Variants in OSBPL11 observed in about 807,000 individuals in gnomAD.
The protein encoded by OSBPL11 is oxysterol binding protein like 11.
A neutral mutation model predicts 84.4 loss-of-function variants in OSBPL11; 33 were observed. The observed-to-expected ratio is 0.39, with a 90% CI of 0.30 to 0.52. The LOEUF is 0.52. Among genes scored for constraint, OSBPL11 ranks in the 20% least tolerant of loss-of-function variants. The probability of loss-of-function intolerance (pLI) is 0.72; values close to 1 mark genes in which losing one functional copy is unlikely to be tolerated. For synonymous variants in OSBPL11, 276 were observed against 310.2 expected, an observed-to-expected ratio of 0.89 and a Z score of 1.16; for missense variants, 736 against 901.1, an observed-to-expected ratio of 0.82 and a Z score of 2.35.
intron 1 of OSBPL11, among the ~76,000 whole-genome samples, chr3:125,594,419 T>C (rs1336481586): frequency 2.0e-5 from 3 of 152,256 alleles, no homozygotes; most frequent in Admixed American, 6.5e-5. Flanking sequence ...GGGATACATT[T>C]CTGTGTTCCT....
At chr3:125,540,859 C>T (rs1353092460) in intron 10 of OSBPL11, among the ~76,000 whole-genome samples, 1 of 152,150 alleles carries the variant, frequency 6.6e-6, no homozygotes, top group Non-Finnish European at 1.5e-5. Context: ...ACAGGAATCA[C>T]ATATACTGCA....
At chr3:125,570,534 G>A (rs1936228702) in intron 5 of OSBPL11, among the ~76,000 whole-genome samples, 1 of 152,002 alleles carries the variant, frequency 6.6e-6, no homozygotes, top group South Asian at 2.1e-4. Flanking sequence ...ATATGGTTTG[G>A]CTGTGTCCCC....
intron 1 of OSBPL11, among the ~76,000 whole-genome samples, chr3:125,588,004 T>C (rs1471141575): frequency 1.3e-5 from 2 of 152,074 alleles, no homozygotes; most frequent in Admixed American, 6.6e-5. Flanking sequence ...GGTGGATCAC[T>C]TGAGGTCAGG....
chr3:125,573,590 C>T (rs924371284), intron 5 of OSBPL11, among the ~76,000 whole-genome samples: 2 of 152,080 alleles, frequency 1.3e-5, no homozygotes, highest in African/African-American at 2.4e-5. Flanking sequence ...AGGCCAGGTG[C>T]GGTGGCTCAC....
intron 7 of OSBPL11, among the ~76,000 whole-genome samples, chr3:125,562,979 TA>T (rs34751505): frequency 0.071 from 10,461 of 147,922 alleles, 470 homozygotes; most frequent in Non-Finnish European, 0.1. Flanking sequence ...TATTTATAAT[TA>T]AAAAAAAAAC....
rs748409964 is a variant in OSBPL11 at position 125,547,976 on chromosome 3, G to A, written c.1655-384C>T. Among the ~76,000 whole-genome samples the A allele has an allele frequency of 4.6e-5, 7 of 151,984 alleles. No individual in the cohort carries two copies. In the East Asian group the frequency reaches 7.7e-4, roughly 17 times the overall value. Reference sequence around the variant, plus strand: ...CACTGCAACCTCCGACTCCTGGGTCGAATGATTCTCCTGCCTCAGCCTCCC... The same window carrying A: ...CACTGCAACCTCCGACTCCTGGGTCAAATGATTCTCCTGCCTCAGCCTCCC... On this transcript the variant is annotated intron_variant, in intron 9 of 12. Transcript: ENST00000296220.
chr3:125,544,762 C>A (rs1935786031), intron 10 of OSBPL11, among the ~76,000 whole-genome samples: 1 of 151,944 alleles, frequency 6.6e-6, no homozygotes, highest in South Asian at 2.1e-4. Context: ...GGTGAGAATG[C>A]AATTAAAATT....
intron 8 of OSBPL11, among the ~76,000 whole-genome samples, chr3:125,558,325 T>TA (rs1936023110): frequency 1.3e-5 from 2 of 152,190 alleles, no homozygotes; most frequent in African/African-American, 4.8e-5. Flanking sequence ...CAGAAGACTA[T>TA]TCATTTTTAA....
intron 4 of OSBPL11, among the ~76,000 whole-genome samples, chr3:125,576,681 A>AAT (rs764297015): frequency 6.8e-6 from 1 of 146,684 alleles, no homozygotes; most frequent in Non-Finnish European, 1.5e-5. Context: ...AACACCATGA[A>AAT]TTTTTTTTTT....
intron 9 of OSBPL11, among the ~76,000 whole-genome samples, chr3:125,549,544 C>T (rs1384733367): frequency 7.9e-5 from 12 of 152,124 alleles, no homozygotes; most frequent in African/African-American, 2.7e-4. Context: ...TACAGTGGCA[C>T]GATCATGGCT....
chr3:125,555,680 G>A (rs765722021), intron 8 of OSBPL11, among the ~76,000 whole-genome samples: 17 of 152,040 alleles, frequency 1.1e-4, no homozygotes, highest in Admixed American at 5.3e-4. Flanking sequence ...CCTGCAGCAC[G>A]GAGATATTAT....
rs957755606 is a variant in OSBPL11 at position 125,595,350 on chromosome 3, G to A, written c.-550C>T. Among the ~76,000 whole-genome samples, 3 of 152,104 alleles carry A rather than the reference G, an allele frequency of 2.0e-5. No homozygotes were observed. The highest frequency in any genetic ancestry group is 4.8e-5 in the African/African-American group (2 of 41,412). ...GGGTCGGGGAATGAGGCCGCCGGGG[G>A]CGGGACGCCGGCTCCCGGGGCCGCC... On this transcript the variant is annotated 5_prime_UTR_variant, in exon 1 of 13. Coordinates refer to ENST00000296220, the MANE Select transcript of OSBPL11 (RefSeq NM_022776.5).
rs1244622288 is a variant in OSBPL11, at chr3:125,560,372, T to A, written c.1155+7A>T. ...AATCTCCATAGCCAGCTTATGCCAT[T>A]ACTTACTCTTGTTAAATCCATGCCC... On this transcript the variant is annotated splice_region_variant and intron_variant, in intron 8 of 12. Transcript: ENST00000296220. 5.9e-6 allele frequency: 9 copies of A among 1,532,546 alleles called. No homozygotes were observed. The highest frequency in any genetic ancestry group is 7.1e-6 in the Non-Finnish European group (8 of 1,130,578). The allele number at this position is 1,532,546 out of a possible 1,614,324, so 94.9% of individuals were successfully genotyped here. A position where few individuals can be genotyped will look rare whatever the true frequency, so the allele number is the denominator to read the frequency against.
In OSBPL11 at chr3:125,584,851, ATC is replaced by A. The variant is rs1936482865; in HGVS notation, c.165-1875_165-1874del. 3.3e-5 allele frequency among the ~76,000 whole-genome samples: 5 copies of A among 152,328 alleles called. No homozygotes were observed. In the South Asian group the frequency reaches 1.0e-3, roughly 32 times the overall value. The stretch of plus-strand genomic sequence containing the variant: ...CTCCCCATTTTGGTCATATCTAATT[ATC>A]TATATCACTCATTTAACAGCTCAAG... On this transcript the variant is annotated intron_variant, in intron 1 of 12. Coordinates refer to ENST00000296220, the MANE Select transcript of OSBPL11 (RefSeq NM_022776.5).
At chr3:125,565,284 ATAAT>A (rs1936137316) in intron 6 of OSBPL11, among the ~76,000 whole-genome samples, 1 of 152,140 alleles carries the variant, frequency 6.6e-6, no homozygotes, top group Non-Finnish European at 1.5e-5. Context: ...AAATAAGCAA[ATAAT>A]TAAGTAGTAT....
chr3:125,550,014 C>G (rs1160761084), intron 9 of OSBPL11, among the ~76,000 whole-genome samples: 2 of 152,016 alleles, frequency 1.3e-5, no homozygotes, highest in African/African-American at 4.8e-5. Context: ...CTATGAAGTG[C>G]TTAAGGCTAA....
intron 8 of OSBPL11, among the ~76,000 whole-genome samples, chr3:125,558,121 C>A (rs1483098425): frequency 1.3e-5 from 2 of 152,124 alleles, no homozygotes; most frequent in Non-Finnish European, 2.9e-5. Flanking sequence ...CAACAAGGTA[C>A]AAATGTAGAG....
chr3:125,579,231 T>C (rs1265510627), intron 3 of OSBPL11, among the ~76,000 whole-genome samples, 192 bp from the exon 4 acceptor site: 1 of 152,220 alleles, frequency 6.6e-6, no homozygotes. Flanking sequence ...TAGCTGGATG[T>C]AGTTACTTCA....
intron 1 of OSBPL11, among the ~76,000 whole-genome samples, chr3:125,584,329 G>T (rs530005790): frequency 2.6e-5 from 4 of 152,094 alleles, no homozygotes; most frequent in Non-Finnish European, 5.9e-5. Flanking sequence ...CTGCACCACT[G>T]CACTCCAACC....
Sources: allele counts gnomAD v4.1 joint callset (sites outside exome capture counted in the v4.1 genomes callset), GRCh38; gene constraint gnomAD v4.1.1; transcripts MANE v1.5; gene names NCBI Gene and HGNC (gene_info 2026-07-23, HGNC 2026-07-21).